ADAM28: variants seen among roughly 807,000 people sequenced by gnomAD.
ADAM28 encodes the protein disintegrin and metalloproteinase domain-containing protein 28.
ADAM28 carries 105 observed loss-of-function variants against 101.2 expected under a neutral mutation model. The observed-to-expected ratio is 1.04, with a 90% CI of 0.89 to 1.22. The LOEUF is 1.22. Among genes scored for constraint, ADAM28 ranks in the 50% most tolerant of loss-of-function variants. The pLI, the probability that ADAM28 is intolerant of heterozygous loss-of-function variation, is 0.00. For synonymous variants in ADAM28, 322 were observed against 310.6 expected (o/e 1.04, Z -0.39); for missense variants, 1,028 against 945.4 (o/e 1.09, Z -1.15).
chr8:24,323,622 G>A (rs1812164159), intron 8 of ADAM28, among the ~76,000 whole-genome samples: 1 of 151,880 alleles, frequency 6.6e-6, no homozygotes, highest in Admixed American at 6.6e-5. Context: ...GAAGTTTACG[G>A]ACCTAAACTA....
At chr8:24,309,398 C>T (rs916363217) in intron 2 of ADAM28, among the ~76,000 whole-genome samples, 5 of 152,134 alleles carry the variant, frequency 3.3e-5, no homozygotes, top group African/African-American at 9.7e-5. Context: ...AATCAGTTAA[C>T]TTCCCTTACT....
chr8:24,330,673 T>G (rs981182551), intron 11 of ADAM28, among the ~76,000 whole-genome samples: 7 of 152,186 alleles, frequency 4.6e-5, no homozygotes, highest in African/African-American at 1.7e-4. Flanking sequence ...CTAGGGTTAT[T>G]CTCCAAAGCC....
At chr8:24,295,471 T>G (rs1807835112) in intron 1 of ADAM28, among the ~76,000 whole-genome samples, 1 of 133,126 alleles carries the variant, frequency 7.5e-6, no homozygotes, top group Non-Finnish European at 1.6e-5. Context: ...ATAGAAATGT[T>G]TTTTTCTCTC....
In ADAM28 at chr8:24,296,814, G is replaced by T. The variant is rs1419099542; in HGVS notation, c.46+2619G>T. On this transcript the variant is annotated intron_variant, in intron 1 of 22. Coordinates refer to ENST00000265769, the MANE Select transcript of ADAM28 (RefSeq NM_014265.6). Reference sequence around the variant, plus strand: ...ACACCTTGGATTTGTGTAATCCCTGGATGGCAGTTAGTTGTGTTTGTTCCT... The same window carrying T: ...ACACCTTGGATTTGTGTAATCCCTGTATGGCAGTTAGTTGTGTTTGTTCCT... 3.3e-5 allele frequency among the ~76,000 whole-genome samples: 5 copies of T among 152,190 alleles called. No homozygotes were observed. The East Asian group carries it at 9.6e-4, about 29-fold the overall frequency.
Position 24,358,799 on chromosome 8 carries a change from A to C in ADAM28, c.*4395A>C, listed in dbSNP as rs2129351523. ...CGGTATACAATTTATTGTGAAGGCA[A>C]CTTCTTGTGAACATTAAACGGTTTA... is the stretch of plus-strand genomic sequence containing the variant. On this transcript the variant is annotated 3_prime_UTR_variant, in exon 23 of 23. Coordinates refer to ENST00000265769, the MANE Select transcript of ADAM28 (RefSeq NM_014265.6). The C allele has an allele frequency of 6.6e-6, 1 of 152,284 alleles. No homozygotes were observed. Among genetic ancestry groups the C allele is most frequent in the East Asian group, 1.9e-4 (1 of 5,182 alleles). 9.4% of individuals were successfully genotyped at this position (152,284 alleles called of 1,614,324 possible). A position where few individuals can be genotyped will look rare whatever the true frequency, so the allele number is the denominator to read the frequency against.
intron 10 of ADAM28, among the ~76,000 whole-genome samples, chr8:24,329,563 T>TTGAGAAAGATAC: frequency 6.6e-6 from 1 of 152,164 alleles, no homozygotes; most frequent in Middle Eastern, 3.4e-3. Flanking sequence ...AATTATGGAA[T>TTGAGAAAGATAC]TGAGAAAGAT....
chr8:24,356,497 C>T lies in ADAM28; in HGVS notation c.*2093C>T, dbSNP rs1816694604. On this transcript the variant is annotated 3_prime_UTR_variant, in exon 23 of 23. Coordinates refer to ENST00000265769, the MANE Select transcript of ADAM28 (RefSeq NM_014265.6). ...CCCTGATGCAGATGCATCATACGTC[C>T]TATTTGAAGAGAAGAAATGCAGTAC... 6.6e-6 allele frequency: 1 copy of T among 152,128 alleles called. No homozygotes were observed. The highest frequency in any genetic ancestry group is 2.4e-5 in the African/African-American group (1 of 41,438). The allele number at this position is 152,128 out of a possible 1,614,324, so 9.4% of individuals were successfully genotyped here. A position where few individuals can be genotyped will look rare whatever the true frequency, so the allele number is the denominator to read the frequency against.
chr8:24,356,122 T>C lies in ADAM28; in HGVS notation c.*1718T>C, dbSNP rs1044413781. On this transcript the variant is annotated 3_prime_UTR_variant, in exon 23 of 23. Transcript: ENST00000265769. ...AATCACTGTCAAGGATACAGGCTTT[T>C]TCTCCATGTGGCATTTGCAGAAGAA... 6.6e-5 allele frequency: 10 copies of C among 152,200 alleles called. No homozygotes were observed. Among genetic ancestry groups the C allele is most frequent in the African/African-American group, 2.2e-4 (9 of 41,458 alleles). The allele number at this position is 152,200 out of a possible 1,614,324, so 9.4% of individuals were successfully genotyped here. A position where few individuals can be genotyped will look rare whatever the true frequency, so the allele number is the denominator to read the frequency against.
intron 18 of ADAM28, among the ~76,000 whole-genome samples, chr8:24,349,513 C>A (rs929381212): frequency 6.6e-6 from 1 of 152,110 alleles, no homozygotes; most frequent in Non-Finnish European, 1.5e-5. Context: ...TCCAAGACTG[C>A]TTTTCAAAAA....
chr8:24,335,627 A>G lies in ADAM28; in HGVS notation c.1553A>G (p.Glu518Gly). Reference sequence around the variant, plus strand: ...CCCACACTGCAGGAGCAGTGCACAGAGCTGTGGGGACCAGGTAGGAGGACA... The same window carrying G: ...CCCACACTGCAGGAGCAGTGCACAGGGCTGTGGGGACCAGGTAGGAGGACA... The part of the protein sequence containing the change: ...TCPTLQEQCT[E>G]LWGPGTEVAD... Residue 518 changes from glutamate (E) to glycine (G), a missense_variant, in exon 14 of 23, where the codon GAG (glutamate) becomes GGG (glycine). Glu to Gly is a moderately conservative substitution (Grantham distance 98). Transcript: ENST00000265769. 6.2e-7 allele frequency: 1 copy of G among 1,606,984 alleles called. No homozygotes were observed. Among genetic ancestry groups the G allele is most frequent in the Non-Finnish European group, 8.5e-7 (1 of 1,177,120 alleles).
rs1812234686 is a variant in ADAM28 at position 24,324,091 on chromosome 8, G to A, written c.890+88G>A. On this transcript the variant is annotated intron_variant, in intron 9 of 22. Coordinates refer to ENST00000265769, the MANE Select transcript of ADAM28 (RefSeq NM_014265.6). ...TGGCAAAGTGAGGGGTGCACATAGA[G>A]GGGTAGACATTTATAGAGCACTTAC... 2.1e-5 allele frequency: 27 copies of A among 1,282,636 alleles called. No individual in the cohort carries two copies. In the South Asian group the frequency reaches 3.9e-4, roughly 19 times the overall value. 79.5% of individuals were successfully genotyped at this position (1,282,636 alleles called of 1,614,324 possible).
At chr8:24,311,639 T>C (rs925374791) in intron 5 of ADAM28, among the ~76,000 whole-genome samples, 12 of 152,234 alleles carry the variant, frequency 7.9e-5, no homozygotes, top group African/African-American at 2.9e-4. Context: ...CTTTCAAATA[T>C]ATTTTTGTTA....
rs776855119 is a variant in ADAM28, at chr8:24,320,223, C to T, written c.577-13C>T. 6.5e-6 allele frequency: 10 copies of T among 1,548,102 alleles called. No homozygotes were observed. The East Asian group carries it at 2.0e-4, about 32-fold the overall frequency. On this transcript the variant is annotated splice_polypyrimidine_tract_variant and intron_variant, in intron 6 of 22. Transcript: ENST00000265769. Reference sequence around the variant, plus strand: ...ACAATATTGTATCAGTAATTCTACTCTTTATATTTCAGAAATTGAAAGACA... The same window carrying T: ...ACAATATTGTATCAGTAATTCTACTTTTTATATTTCAGAAATTGAAAGACA...
At chr8:24,335,398 A>T (rs1170813222) in intron 13 of ADAM28, 48 bp from the exon 14 acceptor site, 2 of 1,527,572 alleles carry the variant, frequency 1.3e-6, no homozygotes, top group African/African-American at 2.8e-5. Flanking sequence ...GTATTAGGGT[A>T]AAGCAGGTAG....
Position 24,313,376 on chromosome 8 carries a change from A to C in ADAM28, c.384-12A>C. On this transcript the variant is annotated splice_polypyrimidine_tract_variant and intron_variant, in intron 5 of 22. Coordinates refer to ENST00000265769, the MANE Select transcript of ADAM28 (RefSeq NM_014265.6). Reference sequence around the variant, plus strand: ...TATTTGTTAAGAAGCCAGAACTCTCATGTTTTTTCAGGGGCTACTTCAGTC... The same window carrying C: ...TATTTGTTAAGAAGCCAGAACTCTCCTGTTTTTTCAGGGGCTACTTCAGTC... 1 of 1,599,030 alleles carries C rather than the reference A, an allele frequency of 6.3e-7. No individual in the cohort carries two copies. The highest frequency in any genetic ancestry group is 8.5e-7 in the Non-Finnish European group (1 of 1,173,532).
chr8:24,300,433 T>TC (rs935521882), intron 2 of ADAM28, among the ~76,000 whole-genome samples: 2 of 152,134 alleles, frequency 1.3e-5, no homozygotes, highest in African/African-American at 4.8e-5. Context: ...TGTTTTTTTT[T>TC]CCAGACAGAG....
Position 24,329,953 on chromosome 8 carries a change from CAG to C in ADAM28, c.973-28_973-27del, listed in dbSNP as rs769087530. 4.4e-6 allele frequency: 7 copies of C among 1,583,278 alleles called. No homozygotes were observed. The Admixed American group carries it at 1.1e-4, about 24-fold the overall frequency. The stretch of plus-strand genomic sequence containing the variant: ...GTGATGTATAATTTCATTCGAAAAT[CAG>C]AGAATCTTTTTCTTCTTTCATACCT... On this transcript the variant is annotated intron_variant, in intron 10 of 22. Coordinates refer to ENST00000265769, the MANE Select transcript of ADAM28 (RefSeq NM_014265.6).
intron 15 of ADAM28, among the ~76,000 whole-genome samples, chr8:24,340,696 C>G (rs973285725): frequency 6.6e-6 from 1 of 152,140 alleles, no homozygotes; most frequent in African/African-American, 2.4e-5. Context: ...CCTAAACCAT[C>G]CTTTATCGCT....
At chr8:24,320,092 G>T (rs151291632) in intron 6 of ADAM28, 144 bp from the exon 7 acceptor site, 13 of 595,980 alleles carry the variant, frequency 2.2e-5, no homozygotes, top group Non-Finnish European at 3.6e-5. Flanking sequence ...TAATCCTGTC[G>T]GTTGAATTGG....
Sources: allele counts gnomAD v4.1 joint callset (sites outside exome capture counted in the v4.1 genomes callset), GRCh38; gene constraint gnomAD v4.1.1; transcripts MANE v1.5; gene names NCBI Gene and HGNC (gene_info 2026-07-23, HGNC 2026-07-21).